Variants in EBF1 observed in about 807,000 individuals in gnomAD.
EBF1 encodes EBF transcription factor 1, also known as transcription factor COE1.
EBF1 carries 10 observed loss-of-function variants against 68.4 expected under a neutral mutation model. The observed-to-expected ratio is 0.15, with a 90% CI of 0.09 to 0.25. EBF1 has a LOEUF of 0.25. Ranked by LOEUF, EBF1 falls within the 10% of genes least tolerant of loss-of-function variation. EBF1 has a pLI of 1.00. For synonymous variants in EBF1, 298 were observed against 299.8 expected (o/e 0.99, Z 0.06); for missense variants, 509 against 794.4 (o/e 0.64, Z 4.32).
chr5:158,872,996 A>ATTTTATT (rs1797146892), intron 6 of EBF1, among the ~76,000 whole-genome samples: 1 of 81,104 alleles, frequency 1.2e-5, no homozygotes, highest in Non-Finnish European at 2.3e-5. Context: ...AATGACACTA[A>ATTTTATT]TTTTTTTTTT....
At chr5:158,738,815 T>A (rs1211939912) in intron 10 of EBF1, among the ~76,000 whole-genome samples, 1 of 152,226 alleles carries the variant, frequency 6.6e-6, no homozygotes, top group Non-Finnish European at 1.5e-5. Flanking sequence ...CATTAACAAG[T>A]CCTGATACCA....
At chr5:159,098,871 AAGG>A (rs1471746194) in intron 1 of EBF1, among the ~76,000 whole-genome samples, 2 of 151,640 alleles carry the variant, frequency 1.3e-5, no homozygotes, top group African/African-American at 2.4e-5. Flanking sequence ...GGAAAAAGAA[AAGG>A]AGGAAAGAAA....
chr5:159,046,406 C>T (rs922370879), intron 6 of EBF1, among the ~76,000 whole-genome samples: 9 of 152,148 alleles, frequency 5.9e-5, no homozygotes, highest in Non-Finnish European at 7.3e-5. Flanking sequence ...TGTGCAATGA[C>T]AAAAATCCTA....
Position 159,097,022 on chromosome 5 carries a change from G to A in EBF1, c.243C>T (p.Pro81=). Residue 81 remains proline (P), a synonymous_variant, in exon 2 of 16, where the codon CCC becomes CCT. Coordinates refer to ENST00000313708, the MANE Select transcript of EBF1 (RefSeq NM_024007.5). Reference sequence around the variant, plus strand: ...CAAACGCTGTCCTCTCGATCTCCACGGGCTGGCCCTGTCTGTCGTAGAGGG... The same window carrying A: ...CAAACGCTGTCCTCTCGATCTCCACAGGCTGGCCCTGTCTGTCGTAGAGGG... The part of the protein sequence containing the change: ...VLALYDRQGQ[P]VEIERTAFVG... 6.2e-7 allele frequency: 1 copy of A among 1,614,018 alleles called. No homozygotes were observed. The highest frequency in any genetic ancestry group is 8.5e-7 in the Non-Finnish European group (1 of 1,179,970).
At chr5:159,085,210 C>T (rs149508670) in intron 4 of EBF1, among the ~76,000 whole-genome samples, 58 of 152,232 alleles carry the variant, frequency 3.8e-4, no homozygotes, top group African/African-American at 9.9e-4. Context: ...TGTAGGTGAA[C>T]TAAGGAGTCC....
chr5:158,980,746 T>C (rs1294769066), intron 6 of EBF1, among the ~76,000 whole-genome samples: 4 of 152,212 alleles, frequency 2.6e-5, no homozygotes, highest in African/African-American at 7.2e-5. Flanking sequence ...CTACTGAAGG[T>C]GTCTCTATGA....
At chr5:158,789,722 A>G (rs1471263585) in intron 9 of EBF1, among the ~76,000 whole-genome samples, 1 of 152,184 alleles carries the variant, frequency 6.6e-6, no homozygotes, top group Non-Finnish European at 1.5e-5. Context: ...CAAGGCCCTT[A>G]AAATGTGGTG....
chr5:159,099,297 TC>T, intron 1 of EBF1, 47 bp downstream of exon 1: 1 of 1,411,712 alleles, frequency 7.1e-7, no homozygotes, highest in South Asian at 1.8e-5. Flanking sequence ...GCCTCCCGGC[TC>T]TCCCGCTCGC....
At chr5:158,728,859 G>A (rs992503632) in intron 11 of EBF1, among the ~76,000 whole-genome samples, 4 of 152,168 alleles carry the variant, frequency 2.6e-5, no homozygotes, top group African/African-American at 4.8e-5. Context: ...GCCACTGCTC[G>A]ATAAGTATTT....
chr5:158,879,125 T>C (rs528805711), intron 6 of EBF1, among the ~76,000 whole-genome samples: 2 of 152,324 alleles, frequency 1.3e-5, no homozygotes, highest in South Asian at 4.1e-4. Context: ...CTTATTATCA[T>C]CCTCTATGCC....
chr5:158,733,410 G>A (rs1389372952), intron 10 of EBF1, among the ~76,000 whole-genome samples: 1 of 152,170 alleles, frequency 6.6e-6, no homozygotes, highest in Non-Finnish European at 1.5e-5. Flanking sequence ...GAAATTCATG[G>A]TTGTTAATTG....
At chr5:158,738,857 T>C (rs999487837) in intron 10 of EBF1, among the ~76,000 whole-genome samples, 15 of 152,202 alleles carry the variant, frequency 9.9e-5, no homozygotes, top group African/African-American at 2.7e-4. Context: ...TTGTTTTTGT[T>C]TTTACTAAAT....
intron 6 of EBF1, among the ~76,000 whole-genome samples, chr5:158,994,874 A>G (rs971970234): frequency 6.6e-6 from 1 of 152,204 alleles, no homozygotes; most frequent in African/African-American, 2.4e-5. Context: ...AAGTTCTCTA[A>G]GTTCATTTTG....
chr5:158,809,951 C>T (rs892153558), intron 8 of EBF1, among the ~76,000 whole-genome samples: 2 of 152,150 alleles, frequency 1.3e-5, no homozygotes, highest in African/African-American at 4.8e-5. Context: ...ACCTTAATAA[C>T]ACTTTCCCCC....
chr5:158,750,126 T>C (rs1768476380), intron 10 of EBF1, among the ~76,000 whole-genome samples: 1 of 152,144 alleles, frequency 6.6e-6, no homozygotes, highest in African/African-American at 2.4e-5. Context: ...CAGGAATAGA[T>C]ACAAAAACAT....
intron 6 of EBF1, among the ~76,000 whole-genome samples, chr5:159,008,680 C>T (rs28436627): frequency 0.056 from 8,538 of 151,998 alleles, 451 homozygotes; most frequent in African/African-American, 0.14. Flanking sequence ...TATGCACCAC[C>T]ACGCCCGGCT....
chr5:159,034,517 G>A (rs1472292212), intron 6 of EBF1, among the ~76,000 whole-genome samples: 1 of 152,172 alleles, frequency 6.6e-6, no homozygotes, highest in Non-Finnish European at 1.5e-5. Context: ...AGGCCACCTT[G>A]ACAGCAAATC....
intron 7 of EBF1, among the ~76,000 whole-genome samples, chr5:158,832,919 T>C (rs10074756): frequency 0.028 from 4,275 of 152,262 alleles, 223 homozygotes; most frequent in African/African-American, 0.099. Context: ...TCCTCTTCTT[T>C]ACTATCCAAA....
chr5:158,790,395 A>C (rs1428229779), intron 9 of EBF1, among the ~76,000 whole-genome samples: 1 of 152,188 alleles, frequency 6.6e-6, no homozygotes, highest in African/African-American at 2.4e-5. Flanking sequence ...CATCTATCCC[A>C]GTCCAACCAC....
Sources: gnomAD v4.1 joint callset for allele counts (sites outside exome capture counted in the v4.1 genomes callset) on GRCh38, gnomAD v4.1.1 for gene constraint, MANE v1.5 for transcripts, NCBI Gene and HGNC (gene_info 2026-07-23, HGNC 2026-07-21) for gene names.